The following BTLA variants were observed in gnomAD, a reference collection of about 807,000 sequenced individuals.
BTLA encodes the protein B- and T-lymphocyte attenuator.
A neutral mutation model predicts 25.0 loss-of-function variants in BTLA; 11 were observed. The observed-to-expected ratio is 0.44, with a 90% CI of 0.28 to 0.73. The LOEUF (loss-of-function observed/expected upper bound fraction) is 0.73, where lower values mean the gene tolerates loss of function less well. Among genes scored for constraint, BTLA ranks in the 30% least tolerant of loss-of-function variants. BTLA has a pLI of 0.15. For synonymous variants in BTLA, 104 were observed against 119.8 expected, an observed-to-expected ratio of 0.87 and a Z score of 0.86; for missense variants, 282 against 332.8, an observed-to-expected ratio of 0.85 and a Z score of 1.19.
chr3:112,497,546 T>G (rs2082416087), intron 1 of BTLA, among the ~76,000 whole-genome samples: 1 of 152,182 alleles, frequency 6.6e-6, no homozygotes, highest in Non-Finnish European at 1.5e-5. Context: ...TATGTATCCT[T>G]CAAATGGGGA....
In BTLA at chr3:112,490,518, G is replaced by A; in HGVS notation, c.88+8753C>T. ...AATACAGATCACAGACAAGGATGTA[G>A]TATGCAATAGTAGATTTAACTTATT... On this transcript the variant is annotated intron_variant, in intron 1 of 4. Transcript: ENST00000334529. 1.3e-5 allele frequency among the ~76,000 whole-genome samples: 2 copies of A among 151,656 alleles called. 1 individual carries two copies. The highest frequency in any genetic ancestry group is 1.3e-4 in the Admixed American group (2 of 15,208).
intron 1 of BTLA, among the ~76,000 whole-genome samples, chr3:112,490,493 A>G (rs979605991): frequency 2.6e-5 from 4 of 152,144 alleles, no homozygotes; most frequent in Admixed American, 2.0e-4. Flanking sequence ...GATCATAGAC[A>G]ATACAGATCA....
intron 2 of BTLA, among the ~76,000 whole-genome samples, chr3:112,473,311 AC>A (rs959637123): frequency 1.3e-5 from 2 of 151,958 alleles, no homozygotes; most frequent in Admixed American, 6.6e-5. Flanking sequence ...TGGAACATCA[AC>A]CCCACGATCA....
chr3:112,478,501 A>G (rs1232132514), intron 2 of BTLA, among the ~76,000 whole-genome samples: 2 of 152,150 alleles, frequency 1.3e-5, no homozygotes, highest in Non-Finnish European at 2.9e-5. Flanking sequence ...TGCTAAATTC[A>G]TGTATTAGCT....
chr3:112,473,608 CTTCTTT>C (rs2082274304), intron 2 of BTLA, among the ~76,000 whole-genome samples: 1 of 137,394 alleles, frequency 7.3e-6, no homozygotes, highest in African/African-American at 2.9e-5. Flanking sequence ...TTTTTTTCTT[CTTCTTT>C]TTTTTTTTTT....
Sources: allele counts gnomAD v4.1 joint callset (sites outside exome capture counted in the v4.1 genomes callset), GRCh38; gene constraint gnomAD v4.1.1; transcripts MANE v1.5; gene names NCBI Gene and HGNC (gene_info 2026-07-23, HGNC 2026-07-21).